The following AGMO variants were observed in gnomAD, a reference collection of about 807,000 sequenced individuals.
AGMO encodes alkylglycerol monooxygenase, also known as glyceryl-ether monooxygenase.
AGMO carries 75 observed loss-of-function variants against 60.2 expected under a neutral mutation model. The ratio of observed to expected loss-of-function variants is 1.25; its 90% CI spans 1.03 to 1.51. The LOEUF (loss-of-function observed/expected upper bound fraction) is 1.51, where lower values mean the gene tolerates loss of function less well. Ranked by LOEUF, AGMO falls within the 40% of genes most tolerant of loss-of-function variation. The probability of loss-of-function intolerance (pLI) is 0.00; values close to 1 mark genes in which losing one functional copy is unlikely to be tolerated. For synonymous variants in AGMO, 261 were observed against 177.1 expected (o/e 1.47, Z -3.76); for missense variants, 763 against 525.5 (o/e 1.45, Z -4.42).
At chr7:15,430,723 G>C (rs963184359) in intron 4 of AGMO, among the ~76,000 whole-genome samples, 1 of 150,576 alleles carries the variant, frequency 6.6e-6, no homozygotes, top group African/African-American at 2.4e-5. Context: ...ACCCTCCTGG[G>C]TTACAGTAAA....
rs114549676 is a variant in AGMO, at chr7:15,391,377, G to A, written c.677-472C>T. ...AGTTAGACCTGACTAGTTTTTTTAA[G>A]ATCATAAAAGCCACAGTAAAAAATA... is the stretch of plus-strand genomic sequence containing the variant. On this transcript the variant is annotated intron_variant, in intron 6 of 12. Coordinates refer to ENST00000342526, the MANE Select transcript of AGMO (RefSeq NM_001004320.2). 9.3e-3 allele frequency among the ~76,000 whole-genome samples: 1,409 copies of A among 151,992 alleles called. 27 individuals are homozygous for A. Among genetic ancestry groups the A allele is most frequent in the African/African-American group, 0.033 (1,377 of 41,474 alleles).
At chr7:15,340,542 C>T (rs1211802150) in intron 12 of AGMO, among the ~76,000 whole-genome samples, 1 of 152,132 alleles carries the variant, frequency 6.6e-6, no homozygotes, top group Non-Finnish European at 1.5e-5. Flanking sequence ...AGCCTCAGCA[C>T]TTGGTGCCCT....
intron 2 of AGMO, among the ~76,000 whole-genome samples, chr7:15,556,124 T>C (rs1785126896): frequency 1.3e-5 from 2 of 151,722 alleles, no homozygotes; most frequent in African/African-American, 2.4e-5. Flanking sequence ...CCAAGGCCCC[T>C]AGTATAAAAA....
chr7:15,335,331 T>C (rs1027305829), intron 12 of AGMO, among the ~76,000 whole-genome samples: 5 of 152,182 alleles, frequency 3.3e-5, no homozygotes, highest in Non-Finnish European at 7.3e-5. Flanking sequence ...AAAGAAAATA[T>C]TGGCAGCAAA....
intron 2 of AGMO, among the ~76,000 whole-genome samples, chr7:15,551,939 C>T (rs1197777499): frequency 6.6e-6 from 1 of 151,330 alleles, no homozygotes; most frequent in Non-Finnish European, 1.5e-5. Flanking sequence ...GCTACAGTAA[C>T]CAAAACAGCA....
chr7:15,387,830 G>C (rs1783980844), intron 8 of AGMO, among the ~76,000 whole-genome samples: 3 of 151,660 alleles, frequency 2.0e-5, no homozygotes, highest in Admixed American at 6.6e-5. Flanking sequence ...AAAAAAATGA[G>C]TTAAGAGGCT....
At chr7:15,500,614 T>G (rs1783358420) in intron 3 of AGMO, among the ~76,000 whole-genome samples, 1 of 151,934 alleles carries the variant, frequency 6.6e-6, no homozygotes, top group South Asian at 2.1e-4. Flanking sequence ...TTTAAAATAT[T>G]TTTTTAAAGG....
the AGMO span, among the ~76,000 whole-genome samples, chr7:15,127,134 G>A: frequency 6.6e-6 from 1 of 151,998 alleles, no homozygotes; most frequent in Non-Finnish European, 1.5e-5. Context: ...GATGTCTCAT[G>A]CCTCCCTAAA....
the AGMO span, among the ~76,000 whole-genome samples, chr7:15,151,584 G>C: frequency 3.1e-4 from 47 of 152,216 alleles, no homozygotes; most frequent in African/African-American, 1.1e-3. Context: ...TTCAGAAGCA[G>C]GTTGTTTAAT....
chr7:15,367,836 T>C (rs1224981877), intron 10 of AGMO, among the ~76,000 whole-genome samples: 1 of 152,084 alleles, frequency 6.6e-6, no homozygotes, highest in Non-Finnish European at 1.5e-5. Flanking sequence ...CAAGCACTCT[T>C]TCCTTTGTTT....
intron 3 of AGMO, among the ~76,000 whole-genome samples, chr7:15,511,268 A>T (rs762717315): frequency 1.3e-5 from 2 of 152,132 alleles, no homozygotes; most frequent in Non-Finnish European, 2.9e-5. Context: ...GAACCTAATG[A>T]GCACATCTTT....
At chr7:15,127,007 G>C in the AGMO span, among the ~76,000 whole-genome samples, 4 of 152,036 alleles carry the variant, frequency 2.6e-5, no homozygotes, top group South Asian at 2.1e-4. Context: ...GATAAACTCA[G>C]CTAATTGTCA....
At chr7:15,512,655 T>G (rs1783705487) in intron 3 of AGMO, among the ~76,000 whole-genome samples, 1 of 152,256 alleles carries the variant, frequency 6.6e-6, no homozygotes, top group African/African-American at 2.4e-5. Context: ...TATTGTCACT[T>G]AGTAAATTGC....
intron 12 of AGMO, among the ~76,000 whole-genome samples, chr7:15,308,256 G>C (rs778624023): frequency 2.0e-5 from 3 of 151,732 alleles, no homozygotes; most frequent in Admixed American, 2.0e-4. Context: ...CCAAATCCTT[G>C]GTTACTCTCT....
chr7:15,463,330 C>G (rs1053230927), intron 3 of AGMO, among the ~76,000 whole-genome samples: 2 of 152,130 alleles, frequency 1.3e-5, no homozygotes. Context: ...TTGATGCTTA[C>G]TTCTCTCATT....
intron 12 of AGMO, among the ~76,000 whole-genome samples, chr7:15,337,174 C>T (rs1331383991): frequency 6.6e-6 from 1 of 152,128 alleles, no homozygotes; most frequent in East Asian, 1.9e-4. Flanking sequence ...CAACTACAGG[C>T]TTTCTAAAGT....
rs1439493983 is a variant in AGMO at position 15,288,017 on chromosome 7, C to A, written c.1263+77497G>T. Among the ~76,000 whole-genome samples the A allele has an allele frequency of 4.6e-5, 7 of 151,666 alleles. 1 individual carries two copies. The highest frequency in any genetic ancestry group is 4.6e-4 in the Admixed American group (7 of 15,224). ...AAATGATAATGATTTTGAAAAATAACAATAATTTTATTGAATTTTTTTTTT... is the reference window on the plus strand; with the variant it reads ...AAATGATAATGATTTTGAAAAATAAAAATAATTTTATTGAATTTTTTTTTT... On this transcript the variant is annotated intron_variant, in intron 12 of 12. Transcript: ENST00000342526.
At chr7:15,498,722 G>A (rs554922367) in intron 3 of AGMO, among the ~76,000 whole-genome samples, 7 of 151,988 alleles carry the variant, frequency 4.6e-5, no homozygotes, top group Non-Finnish European at 7.4e-5. Flanking sequence ...TACTACAAGT[G>A]TCTAATTTAA....
chr7:15,324,019 C>A (rs1781261546), intron 12 of AGMO, among the ~76,000 whole-genome samples: 1 of 152,106 alleles, frequency 6.6e-6, no homozygotes, highest in Non-Finnish European at 1.5e-5. Flanking sequence ...TATTAAAGTG[C>A]ATATTTATGT....
Sources: allele counts gnomAD v4.1 joint callset (sites outside exome capture counted in the v4.1 genomes callset), GRCh38; gene constraint gnomAD v4.1.1; transcripts MANE v1.5; gene names NCBI Gene and HGNC (gene_info 2026-07-23, HGNC 2026-07-21).